Variants in ITPRID1 observed in about 807,000 individuals in gnomAD.
ITPRID1 encodes ITPR interacting domain containing 1.
In ITPRID1, 96 loss-of-function variants were observed where a neutral mutation model predicts 95.4. That is an observed-to-expected ratio of 1.01 (90% CI 0.85 to 1.19). The LOEUF is 1.19. ITPRID1 is among the 50% of genes most tolerant of loss of function. The probability of loss-of-function intolerance (pLI) is 0.00; values close to 1 mark genes in which losing one functional copy is unlikely to be tolerated. For synonymous variants in ITPRID1, 510 were observed against 453.6 expected (o/e 1.12, Z -1.58); for missense variants, 1,339 against 1,252.9 (o/e 1.07, Z -1.04).
At chr7:31,595,345 T>TAC (rs58632355) in intron 10 of ITPRID1, among the ~76,000 whole-genome samples, 28,691 of 146,954 alleles carry the variant, frequency 0.2, 2,970 homozygotes, top group Non-Finnish European at 0.23. Context: ...ATGCCCGGCC[T>TAC]ACACACACAC....
chr7:31,576,474 T>C (rs1485405751), intron 8 of ITPRID1, among the ~76,000 whole-genome samples: 2 of 152,358 alleles, frequency 1.3e-5, no homozygotes, highest in East Asian at 3.9e-4. Flanking sequence ...AAAGCAATCA[T>C]AAAAGTTGAA....
chr7:31,655,861 C>T lies in ITPRID1; in HGVS notation c.*3032C>T. The T allele has an allele frequency of 2.0e-6, 2 of 985,538 alleles. No individual in the cohort carries two copies. The highest frequency in any genetic ancestry group is 2.4e-6 in the Non-Finnish European group (2 of 829,982). The allele number at this position is 985,538 out of a possible 1,614,324, so 61.0% of individuals were successfully genotyped here. A position where few individuals can be genotyped will look rare whatever the true frequency, so the allele number is the denominator to read the frequency against. On this transcript the variant is annotated 3_prime_UTR_variant, in exon 15 of 15. Transcript: ENST00000615280. ...TCTTCCTTGCTCCTTCCCTGTAACG[C>T]CTACGGAATGAAGAGGAACACCTGG...
At chr7:31,538,160 C>T (rs1783820732) in intron 1 of ITPRID1, among the ~76,000 whole-genome samples, 1 of 152,134 alleles carries the variant, frequency 6.6e-6, no homozygotes, top group East Asian at 1.9e-4. Context: ...TAAGGCTATA[C>T]AATAAAAAGG....
intron 8 of ITPRID1, among the ~76,000 whole-genome samples, chr7:31,576,487 A>C (rs1213266090): frequency 6.6e-6 from 1 of 152,246 alleles, no homozygotes; most frequent in Non-Finnish European, 1.5e-5. Context: ...AAGTTGAATT[A>C]TCATTCAATT....
intron 8 of ITPRID1, among the ~76,000 whole-genome samples, chr7:31,576,781 T>TA (rs1309837691): frequency 2.0e-5 from 3 of 152,206 alleles, no homozygotes; most frequent in Non-Finnish European, 4.4e-5. Flanking sequence ...CTTGCCCACT[T>TA]ATGTGGTCCT....
At chr7:31,539,561 TAAGAAACCACCA>T (rs1434749024) in intron 1 of ITPRID1, among the ~76,000 whole-genome samples, 1 of 152,184 alleles carries the variant, frequency 6.6e-6, no homozygotes, top group Non-Finnish European at 1.5e-5. Context: ...CTTAGTTTCA[TAAGAAACCACCA>T]AACTGTCTTC....
intron 1 of ITPRID1, among the ~76,000 whole-genome samples, chr7:31,538,065 C>T (rs1250450561): frequency 2.6e-5 from 4 of 152,146 alleles, no homozygotes; most frequent in East Asian, 1.9e-4. Context: ...TAAACTTTTG[C>T]TCTAACAGCG....
chr7:31,577,733 G>A, intron 8 of ITPRID1, 130 bp from the exon 9 acceptor site: 1 of 712,096 alleles, frequency 1.4e-6, no homozygotes, highest in Non-Finnish European at 2.3e-6. Flanking sequence ...AAAAACTTGA[G>A]TTTCAAGAGC....
At chr7:31,619,662 G>C (rs1010267945) in intron 10 of ITPRID1, among the ~76,000 whole-genome samples, 12 of 152,118 alleles carry the variant, frequency 7.9e-5, no homozygotes, top group African/African-American at 2.2e-4. Flanking sequence ...CCAGTCTACA[G>C]CCCCCAGCGT....
At chr7:31,518,712 C>G (rs217156) in intron 1 of ITPRID1, among the ~76,000 whole-genome samples, 7 of 152,190 alleles carry the variant, frequency 4.6e-5, no homozygotes, top group African/African-American at 1.7e-4. Flanking sequence ...ACAATTCTAA[C>G]AAGGTCTCAG....
At chr7:31,559,616 G>A (rs1205676168) in intron 5 of ITPRID1, among the ~76,000 whole-genome samples, 1 of 152,136 alleles carries the variant, frequency 6.6e-6, no homozygotes, top group South Asian at 2.1e-4. Flanking sequence ...AGTGAGCAGA[G>A]ATCATGCCAC....
chr7:31,597,851 A>T (rs576264783), intron 10 of ITPRID1, among the ~76,000 whole-genome samples: 1 of 152,266 alleles, frequency 6.6e-6, no homozygotes, highest in African/African-American at 2.4e-5. Context: ...ATGGAGAAGG[A>T]ATTTTCCCTG....
At position 31,653,049 on chromosome 7, in the gene ITPRID1, T is replaced by C. The variant is rs1791102996; in HGVS notation, c.*220T>C. 3 of 1,196,540 alleles carry C rather than the reference T, an allele frequency of 2.5e-6. No individual in the cohort carries two copies. The highest frequency in any genetic ancestry group is 2.2e-6 in the Non-Finnish European group (2 of 896,900). The allele number at this position is 1,196,540 out of a possible 1,614,324, so 74.1% of individuals were successfully genotyped here. A position where few individuals can be genotyped will look rare whatever the true frequency, so the allele number is the denominator to read the frequency against. Reference sequence around the variant, plus strand: ...CCTAGTATGTGCCTGGCACAGAGTATGCAACAGTGACTAAATAGTATACGG... The same window carrying C: ...CCTAGTATGTGCCTGGCACAGAGTACGCAACAGTGACTAAATAGTATACGG... On this transcript the variant is annotated 3_prime_UTR_variant, in exon 15 of 15. Transcript: ENST00000615280.
chr7:31,532,611 G>T (rs1783634408), intron 1 of ITPRID1, among the ~76,000 whole-genome samples: 3 of 152,160 alleles, frequency 2.0e-5, no homozygotes, highest in Admixed American at 2.0e-4. Flanking sequence ...TGGTCACATG[G>T]TTTTTCTCCT....
intron 8 of ITPRID1, among the ~76,000 whole-genome samples, chr7:31,576,066 T>C (rs1246204359): frequency 1.3e-5 from 2 of 152,162 alleles, no homozygotes; most frequent in Admixed American, 6.5e-5. Flanking sequence ...TTGAATAGCA[T>C]TTGAGCTGCT....
chr7:31,518,696 T>TA (rs1783125124), intron 1 of ITPRID1, among the ~76,000 whole-genome samples: 2 of 152,224 alleles, frequency 1.3e-5, no homozygotes, highest in Non-Finnish European at 2.9e-5. Flanking sequence ...TAGAAAAATC[T>TA]AAAAAACAAT....
At chr7:31,559,207 C>T (rs1784548394) in intron 5 of ITPRID1, among the ~76,000 whole-genome samples, 1 of 152,096 alleles carries the variant, frequency 6.6e-6, no homozygotes, top group African/African-American at 2.4e-5. Context: ...TTCCACTGCC[C>T]CTGCTACTAC....
chr7:31,645,693 C>T (rs1385977324), intron 12 of ITPRID1, among the ~76,000 whole-genome samples: 1 of 152,098 alleles, frequency 6.6e-6, no homozygotes, highest in African/African-American at 2.4e-5. Context: ...GGGATAATTT[C>T]CCACCCCTGA....
At chr7:31,542,967 A>C (rs947023460) in intron 1 of ITPRID1, among the ~76,000 whole-genome samples, 1 of 152,174 alleles carries the variant, frequency 6.6e-6, no homozygotes, top group African/African-American at 2.4e-5. Context: ...AATTAATTAG[A>C]GCTTTTTAAA....
Sources: allele counts gnomAD v4.1 joint callset (sites outside exome capture counted in the v4.1 genomes callset), GRCh38; gene constraint gnomAD v4.1.1; transcripts MANE v1.5; gene names NCBI Gene and HGNC (gene_info 2026-07-23, HGNC 2026-07-21).